GATA3: variants seen among roughly 807,000 people sequenced by gnomAD.
GATA3 encodes the protein trans-acting T-cell-specific transcription factor GATA-3.
GATA3 carries 6 observed loss-of-function variants against 36.0 expected under a neutral mutation model. The ratio of observed to expected loss-of-function variants is 0.17; its 90% CI spans 0.09 to 0.33. GATA3 has a LOEUF of 0.33. GATA3 is among the 10% of genes least tolerant of loss of function. The probability of loss-of-function intolerance (pLI) is 1.00; values close to 1 mark genes in which losing one functional copy is unlikely to be tolerated. For missense variants in GATA3, 514 were observed against 610.1 expected (o/e 0.84, Z 1.66); for synonymous variants, 326 against 273.0 (o/e 1.19, Z -1.92).
upstream of GATA3, among the ~76,000 whole-genome samples, chr10:8,050,067 C>G (rs926318655): frequency 6.6e-6 from 1 of 152,184 alleles, no homozygotes; most frequent in Non-Finnish European, 1.5e-5. Context: ...TTCATCTTGC[C>G]CCAGTCGCCC....
intron 4 of GATA3, among the ~76,000 whole-genome samples, chr10:8,066,965 A>T (rs1425963094): frequency 6.6e-6 from 1 of 152,132 alleles, no homozygotes; most frequent in Non-Finnish European, 1.5e-5. Flanking sequence ...TACTCTGTAC[A>T]TTCAGAATTG....
At chr10:8,066,341 A>C (rs966220155) in intron 4 of GATA3, among the ~76,000 whole-genome samples, 2 of 152,058 alleles carry the variant, frequency 1.3e-5, no homozygotes, top group African/African-American at 4.8e-5. Context: ...TTTCTTTCTT[A>C]ATCATCTGTC....
chr10:8,056,548 G>A (rs1483648165), intron 2 of GATA3, among the ~76,000 whole-genome samples: 1 of 152,126 alleles, frequency 6.6e-6, no homozygotes, highest in Non-Finnish European at 1.5e-5. Context: ...GGTTTGGGGG[G>A]GAAGACCCCT....
intron 5 of GATA3, among the ~76,000 whole-genome samples, chr10:8,071,673 C>T (rs531443791): frequency 6.6e-6 from 1 of 152,198 alleles, no homozygotes; most frequent in Admixed American, 6.5e-5. Context: ...CTCTGGTTTA[C>T]CAGGAATTTG....
At chr10:8,045,428 A>T (rs1832375565) in exon 1 of GATA3, 1 of 152,426 alleles carries the variant, frequency 6.6e-6, no homozygotes. Context: ...ACAGTGGCGA[A>T]CTCTGCCTGT....
intron 1 of GATA3, among the ~76,000 whole-genome samples, chr10:8,046,648 A>AGTGTGTGTGTGTGT (rs55947422): frequency 1.7e-4 from 23 of 137,868 alleles, no homozygotes; most frequent in Non-Finnish European, 2.5e-4. Context: ...AATGGCTGGC[A>AGTGTGTGTGTGTGT]GTGTGTGTGT....
At chr10:8,058,181 G>A in intron 2 of GATA3, 124 bp from the exon 3 acceptor site, 2 of 1,075,692 alleles carry the variant, frequency 1.9e-6, no homozygotes, top group Non-Finnish European at 2.8e-6. Context: ...GAGTGGGCCT[G>A]AGCCCGGGCT....
At chr10:8,061,089 C>CTCTCTCTCT (rs754738004) in intron 3 of GATA3, among the ~76,000 whole-genome samples, 1 of 145,814 alleles carries the variant, frequency 6.9e-6, no homozygotes, top group East Asian at 2.0e-4. Context: ...CTCTCTCTCT[C>CTCTCTCTCT]TTTTTTACCC....
chr10:8,064,225 A>G (rs1026327310), intron 4 of GATA3, 87 bp downstream of exon 4: 1 of 1,546,060 alleles, frequency 6.5e-7, no homozygotes, highest in Admixed American at 1.7e-5. Flanking sequence ...TTCTGCAGGA[A>G]ATTGACAGGA....
At chr10:8,061,937 T>C (rs1832755648) in intron 3 of GATA3, among the ~76,000 whole-genome samples, 1 of 152,232 alleles carries the variant, frequency 6.6e-6, no homozygotes, top group Admixed American at 6.5e-5. Context: ...GGGTCCCCTG[T>C]CTGGGCAGGG....
chr10:8,067,590 G>A (rs929038229), intron 4 of GATA3, among the ~76,000 whole-genome samples: 6 of 152,112 alleles, frequency 3.9e-5, no homozygotes, highest in Non-Finnish European at 7.3e-5. Flanking sequence ...AGGCCAAGGC[G>A]GGTAGATCAT....
At chr10:8,063,673 T>C (rs1283385444) in intron 3 of GATA3, among the ~76,000 whole-genome samples, 1 of 152,230 alleles carries the variant, frequency 6.6e-6, no homozygotes, top group Non-Finnish European at 1.5e-5. Context: ...TATTTGTAGC[T>C]GGAATCTGCA....
Position 8,058,214 on chromosome 10 carries a change from C to A in GATA3, c.242-91C>A, listed in dbSNP as rs148810744. ...GCTTTTGCTGAAAAGGAGGCCGATG[C>A]GAGGTAGAGATTCCCCAGGTGTCCC... On this transcript the variant is annotated intron_variant, in intron 2 of 5. Transcript: ENST00000379328. The A allele has an allele frequency of 3.8e-4, 537 of 1,410,884 alleles. 2 individuals are homozygous for A. The African/African-American group carries it at 6.8e-3, about 18-fold the overall frequency. 87.4% of individuals were successfully genotyped at this position (1,410,884 alleles called of 1,614,324 possible). A position where few individuals can be genotyped will look rare whatever the true frequency, so the allele number is the denominator to read the frequency against.
Position 8,058,155 on chromosome 10 carries a change from G to A in GATA3, c.242-150G>A, listed in dbSNP as rs1380320883. ...AGGTGTGCCAGGCAGGTACTCCGGG[G>A]ACCGCCAGGATGAGAGAGTGGGCCT... is the stretch of plus-strand genomic sequence containing the variant. On this transcript the variant is annotated intron_variant, in intron 2 of 5. Coordinates refer to ENST00000379328, the MANE Select transcript of GATA3 (RefSeq NM_001002295.2). 1.8e-5 allele frequency: 14 copies of A among 783,904 alleles called. No individual in the cohort carries two copies. In the African/African-American group the frequency reaches 2.4e-4, roughly 13 times the overall value. The allele number at this position is 783,904 out of a possible 1,614,324, so 48.6% of individuals were successfully genotyped here. A position where few individuals can be genotyped will look rare whatever the true frequency, so the allele number is the denominator to read the frequency against.
intron 5 of GATA3, among the ~76,000 whole-genome samples, chr10:8,071,769 C>A (rs536360111): frequency 6.6e-6 from 1 of 152,288 alleles, no homozygotes; most frequent in African/African-American, 2.4e-5. Context: ...CTCTGCCCTT[C>A]CAGACATCTC....
chr10:8,065,464 G>T (rs1185375658), intron 4 of GATA3, among the ~76,000 whole-genome samples: 1 of 151,460 alleles, frequency 6.6e-6, no homozygotes, highest in African/African-American at 2.4e-5. Context: ...CGCCTTTTTG[G>T]CCAGGCTGGT....
chr10:8,051,895 C>G (rs962584358), upstream of GATA3, among the ~76,000 whole-genome samples: 6 of 152,204 alleles, frequency 3.9e-5, no homozygotes, highest in Non-Finnish European at 7.3e-5. Flanking sequence ...CCTCTCCAGC[C>G]TCGCTCCCTT....
chr10:8,061,015 G>T (rs893538400), intron 3 of GATA3, among the ~76,000 whole-genome samples: 2 of 152,006 alleles, frequency 1.3e-5, no homozygotes, highest in Admixed American at 1.3e-4. Flanking sequence ...TTTGCAGGGG[G>T]TGGAGGTGGT....
At chr10:8,073,144 CAAAAAAAAA>C (rs11335485) in intron 5 of GATA3, among the ~76,000 whole-genome samples, 1 of 69,978 alleles carries the variant, frequency 1.4e-5, no homozygotes, top group Middle Eastern at 7.5e-3. Context: ...GACTTCGTCT[CAAAAAAAAA>C]AAAAAAAAAA....
Sources: gnomAD v4.1 joint callset for allele counts (sites outside exome capture counted in the v4.1 genomes callset) on GRCh38, gnomAD v4.1.1 for gene constraint, MANE v1.5 for transcripts, NCBI Gene and HGNC (gene_info 2026-07-23, HGNC 2026-07-21) for gene names.